Variants in ANKS1B observed in about 807,000 individuals in gnomAD.
ANKS1B encodes the protein ankyrin repeat and sterile alpha motif domain containing 1B.
A neutral mutation model predicts 148.3 loss-of-function variants in ANKS1B; 36 were observed. That is an observed-to-expected ratio of 0.24 (90% CI 0.19 to 0.32). ANKS1B has a LOEUF of 0.32. Ranked by LOEUF, ANKS1B falls within the 10% of genes least tolerant of loss-of-function variation. The probability of loss-of-function intolerance (pLI) is 1.00; values close to 1 mark genes in which losing one functional copy is unlikely to be tolerated. For synonymous variants in ANKS1B, 542 were observed against 560.8 expected, an observed-to-expected ratio of 0.97 and a Z score of 0.47; for missense variants, 1,157 against 1,542.6, an observed-to-expected ratio of 0.75 and a Z score of 4.19.
At chr12:99,810,319 C>T (rs914914655) in intron 3 of ANKS1B, among the ~76,000 whole-genome samples, 1 of 151,848 alleles carries the variant, frequency 6.6e-6, no homozygotes, top group African/African-American at 2.4e-5. Context: ...TCAATAAATG[C>T]TAATTACCAT....
In ANKS1B at chr12:99,278,539, CCCTCTTCTGCACTT is replaced by C. The variant is rs573837887; in HGVS notation, c.1757-31689_1757-31676del. On this transcript the variant is annotated intron_variant, in intron 12 of 26. Coordinates refer to ENST00000683438, the MANE Select transcript of ANKS1B (RefSeq NM_001352186.2). ...TTTTGTTTCCATATGCTTTTGTGTA[CCCTCTTCTGCACTT>C]CCTCCCCCTCTTTGATTCTTACACA... Among the ~76,000 whole-genome samples the C allele has an allele frequency of 2.4e-3, 363 of 152,192 alleles. 1 individual carries two copies. Among genetic ancestry groups the C allele is most frequent in the Non-Finnish European group, 4.1e-3 (281 of 68,004 alleles).
At chr12:99,650,972 G>T (rs954253745) in intron 9 of ANKS1B, among the ~76,000 whole-genome samples, 1 of 152,098 alleles carries the variant, frequency 6.6e-6, no homozygotes, top group African/African-American at 2.4e-5. Context: ...TCATGATTCT[G>T]ACAAGCACTG....
intron 1 of ANKS1B, among the ~76,000 whole-genome samples, chr12:99,971,461 T>C (rs2095557143): frequency 6.6e-6 from 1 of 152,162 alleles, no homozygotes; most frequent in African/African-American, 2.4e-5. Context: ...GATAATTCTG[T>C]AAGTAAATAG....
At chr12:99,241,275 C>G (rs566255886) in intron 14 of ANKS1B, among the ~76,000 whole-genome samples, 1 of 152,138 alleles carries the variant, frequency 6.6e-6, no homozygotes, top group African/African-American at 2.4e-5. Flanking sequence ...AACACCTCTA[C>G]GCAAATGAAG....
At chr12:98,770,012 C>A (rs2098546226) in intron 25 of ANKS1B, among the ~76,000 whole-genome samples, 1 of 152,124 alleles carries the variant, frequency 6.6e-6, no homozygotes, top group African/African-American at 2.4e-5. Context: ...ATCTGACAAA[C>A]CTATCTTATG....
At chr12:98,998,884 A>G (rs2099931241) in intron 17 of ANKS1B, among the ~76,000 whole-genome samples, 1 of 152,050 alleles carries the variant, frequency 6.6e-6, no homozygotes, top group Non-Finnish European at 1.5e-5. Flanking sequence ...GAACACTAGA[A>G]CCACCTAGTG....
At chr12:99,768,866 CTT>C (rs993449050) in intron 8 of ANKS1B, among the ~76,000 whole-genome samples, 1 of 148,498 alleles carries the variant, frequency 6.7e-6, no homozygotes, top group African/African-American at 2.5e-5. Flanking sequence ...GGAGAACCTG[CTT>C]TTTTCCCCTC....
At chr12:99,616,053 G>A (rs377688198) in intron 9 of ANKS1B, among the ~76,000 whole-genome samples, 2 of 152,176 alleles carry the variant, frequency 1.3e-5, no homozygotes, top group South Asian at 2.1e-4. Flanking sequence ...GCCACAAAGA[G>A]AATAAAATGT....
intron 8 of ANKS1B, among the ~76,000 whole-genome samples, chr12:99,692,683 A>AG (rs1483404273): frequency 2.0e-3 from 309 of 151,500 alleles, no homozygotes; most frequent in Non-Finnish European, 3.0e-3. Context: ...AAAAAAAAAA[A>AG]AGGAAAAGAA....
At chr12:99,545,582 C>T (rs964670537) in intron 9 of ANKS1B, among the ~76,000 whole-genome samples, 1 of 151,824 alleles carries the variant, frequency 6.6e-6, no homozygotes, top group African/African-American at 2.4e-5. Context: ...CTTTTCTTGA[C>T]TAGAGTTTGA....
At chr12:99,983,594 G>T (rs954821919) in intron 1 of ANKS1B, among the ~76,000 whole-genome samples, 21 of 152,156 alleles carry the variant, frequency 1.4e-4, no homozygotes, top group African/African-American at 5.1e-4. Flanking sequence ...CATCTCACCA[G>T]AAAGAAGGTT....
intron 15 of ANKS1B, among the ~76,000 whole-genome samples, chr12:99,139,785 G>C (rs1027825736): frequency 1.3e-5 from 2 of 151,946 alleles, no homozygotes; most frequent in Admixed American, 6.6e-5. Context: ...AGCACAGTTA[G>C]ATGAGTATAT....
rs1210588961 is a variant in ANKS1B at position 98,829,481 on chromosome 12, G to T, written c.2887-128C>A. 1.2e-6 allele frequency: 1 copy of T among 807,328 alleles called. No individual in the cohort carries two copies. The highest frequency in any genetic ancestry group is 2.0e-6 in the Non-Finnish European group (1 of 509,792). The allele number at this position is 807,328 out of a possible 1,614,324, so 50.0% of individuals were successfully genotyped here. On this transcript the variant is annotated intron_variant, in intron 18 of 26. Coordinates refer to ENST00000683438, the MANE Select transcript of ANKS1B (RefSeq NM_001352186.2). This position sits in a 1 kb window ranked among gnomAD's most constrained non-coding sequence, Gnocchi z 5.2. Reference sequence around the variant, plus strand: ...GCTTTTGAAGCAACAGCCAAGGAATGAATGACATTCCACCACTTTATTAAT... The same window carrying T: ...GCTTTTGAAGCAACAGCCAAGGAATTAATGACATTCCACCACTTTATTAAT...
intron 9 of ANKS1B, among the ~76,000 whole-genome samples, chr12:99,523,003 G>C (rs1425779070): frequency 6.6e-6 from 1 of 152,180 alleles, no homozygotes; most frequent in Non-Finnish European, 1.5e-5. Flanking sequence ...AGACACAGTA[G>C]TTGCCCAAAA....
chr12:99,156,412 T>C (rs2076058211), intron 14 of ANKS1B, among the ~76,000 whole-genome samples: 2 of 152,206 alleles, frequency 1.3e-5, no homozygotes, highest in Non-Finnish European at 2.9e-5. Flanking sequence ...TAAGACACAG[T>C]TTTGATTACT....
chr12:99,216,675 T>A (rs749474464), intron 14 of ANKS1B, among the ~76,000 whole-genome samples: 1 of 152,154 alleles, frequency 6.6e-6, no homozygotes, highest in African/African-American at 2.4e-5. Context: ...CCCTTAAATA[T>A]TGGTGAAAAT....
At chr12:99,523,554 T>C (rs893391777) in intron 9 of ANKS1B, among the ~76,000 whole-genome samples, 5 of 147,076 alleles carry the variant, frequency 3.4e-5, no homozygotes, top group South Asian at 2.2e-4. Flanking sequence ...GCATCTTCTT[T>C]TTTTTTTTTT....
chr12:99,567,340 A>G (rs1406206339), intron 9 of ANKS1B, among the ~76,000 whole-genome samples: 1 of 152,066 alleles, frequency 6.6e-6, no homozygotes, highest in East Asian at 1.9e-4. Context: ...ATAACCTTAA[A>G]TCCAACTGAC....
intron 11 of ANKS1B, among the ~76,000 whole-genome samples, chr12:99,439,473 G>C (rs2095514171): frequency 6.6e-6 from 1 of 151,304 alleles, no homozygotes; most frequent in African/African-American, 2.4e-5. Flanking sequence ...CAATCACAAA[G>C]CTGAACACCC....
Sources: allele counts gnomAD v4.1 joint callset (sites outside exome capture counted in the v4.1 genomes callset), GRCh38; gene constraint gnomAD v4.1.1; non-coding constraint Gnocchi (gnomAD v3.1); transcripts MANE v1.5; gene names NCBI Gene and HGNC (gene_info 2026-07-23, HGNC 2026-07-21).